Variants in PCDH1 observed in about 807,000 individuals in gnomAD.
PCDH1 encodes the protein protocadherin-1.
In PCDH1, 23 loss-of-function variants were observed where a neutral mutation model predicts 74.6. The ratio of observed to expected loss-of-function variants is 0.31; its 90% CI spans 0.22 to 0.44. The LOEUF (loss-of-function observed/expected upper bound fraction) is 0.44, where lower values mean the gene tolerates loss of function less well. Among genes scored for constraint, PCDH1 ranks in the 20% least tolerant of loss-of-function variants. The probability of loss-of-function intolerance (pLI) is 1.00; values close to 1 mark genes in which losing one functional copy is unlikely to be tolerated. For synonymous variants in PCDH1, 647 were observed against 686.1 expected (o/e 0.94, Z 0.89); for missense variants, 1,214 against 1,641.4 (o/e 0.74, Z 4.50).
At chr5:141,870,986 C>T (rs1596561596) in intron 1 of PCDH1, among the ~76,000 whole-genome samples, 1 of 152,306 alleles carries the variant, frequency 6.6e-6, no homozygotes, top group East Asian at 1.9e-4. Flanking sequence ...CTCTCCTGCC[C>T]ACGGTGACCT....
At chr5:141,867,690 C>T (rs1430268482) in intron 2 of PCDH1, 6 of 427,624 alleles carry the variant, frequency 1.4e-5, no homozygotes, top group African/African-American at 4.2e-5. Context: ...AAGGGTTTTC[C>T]AGGATGGGTA....
chr5:141,862,292 C>T (rs1752596810), intron 3 of PCDH1, among the ~76,000 whole-genome samples: 1 of 152,178 alleles, frequency 6.6e-6, no homozygotes, highest in African/African-American at 2.4e-5. Flanking sequence ...TCAGAGGCAA[C>T]TGTTTGAGCA....
In PCDH1 at chr5:141,854,033, G is replaced by C. The variant is rs1752220450; in HGVS notation, c.*9C>G. 5 of 1,492,298 alleles carry C rather than the reference G, an allele frequency of 3.4e-6. No homozygotes were observed. Among genetic ancestry groups the C allele is most frequent in the South Asian group, 1.4e-5 (1 of 71,092 alleles). The allele number at this position is 1,492,298 out of a possible 1,614,324, so 92.4% of individuals were successfully genotyped here. ...CTGGGGGAGGGGGGCCGGCCGGCCA[G>C]TAGGGGGCTCACAGGTAGATCTCGC... is the stretch of plus-strand genomic sequence containing the variant. On this transcript the variant is annotated 3_prime_UTR_variant, in exon 5 of 5. Transcript: ENST00000287008.
At chr5:141,857,197 A>G (rs1752383278) in intron 4 of PCDH1, 55 bp downstream of exon 4, 1 of 1,412,022 alleles carries the variant, frequency 7.1e-7, no homozygotes. Context: ...CCTTGTCACC[A>G]TTCCCAGGCT....
At chr5:141,875,591 GA>G (rs1753204206) in intron 1 of PCDH1, among the ~76,000 whole-genome samples, 2 of 151,564 alleles carry the variant, frequency 1.3e-5, no homozygotes, top group Admixed American at 1.3e-4. Flanking sequence ...CTCCCCTGCA[GA>G]AGTAGCCACA....
intron 3 of PCDH1, chr5:141,862,654 C>T: frequency 1.0e-6 from 1 of 986,338 alleles, no homozygotes; most frequent in Non-Finnish European, 1.2e-6. Flanking sequence ...ACCAAAACTC[C>T]AAAAATAGAG....
intron 4 of PCDH1, among the ~76,000 whole-genome samples, chr5:141,856,629 G>A (rs1752350509): frequency 6.6e-6 from 1 of 151,976 alleles, no homozygotes. Flanking sequence ...CTCTGCGCTG[G>A]CTCACACCTC....
At chr5:141,876,193 C>A (rs967980495) in intron 1 of PCDH1, among the ~76,000 whole-genome samples, 1 of 152,350 alleles carries the variant, frequency 6.6e-6, no homozygotes, top group South Asian at 2.1e-4. Flanking sequence ...GCCCCACCCC[C>A]ACCCCGGCAG....
At chr5:141,856,378 TTAGACAAG>T in intron 4 of PCDH1, 3 of 791,552 alleles carry the variant, frequency 3.8e-6, no homozygotes, top group Non-Finnish European at 6.3e-6. Flanking sequence ...GCCCGGGAGG[TTAGACAAG>T]GGCCCTGTGC....
intron 1 of PCDH1, among the ~76,000 whole-genome samples, chr5:141,875,968 G>A (rs991725333): frequency 6.6e-6 from 1 of 152,088 alleles, no homozygotes; most frequent in African/African-American, 2.4e-5. Flanking sequence ...GGCAGCTCCC[G>A]AGGGTTGACC....
At position 141,868,753 on chromosome 5, in the gene PCDH1, C is replaced by A; in HGVS notation, c.719G>T (p.Arg240Leu). The change falls in exon 2 of 5, where the codon CGT becomes CTT. Residue 240 changes from arginine (R) to leucine (L), a missense_variant. Physicochemically the swap from Arg to Leu is moderately radical, Grantham distance 102. Around this residue, in one of 4 missense-constraint regions of PCDH1, gnomAD observed 836 missense variants for 1,182.2 expected, o/e 0.71. Coordinates refer to ENST00000287008, the MANE Select transcript of PCDH1 (RefSeq NM_032420.5). The surrounding 1 kb of genome is among the most constrained non-coding windows in gnomAD (Gnocchi z 4.8). ...PQLIVMGNLD[R>L]ERWDSYDLTI... is the part of the protein sequence containing the mutation. ...GAGGTCATAGGAGTCCCAGCGCTCA[C>A]GGTCCAGGTTGCCCATCACAATGAG... 6.2e-7 allele frequency: 1 copy of A among 1,614,192 alleles called. No homozygotes were observed. Among genetic ancestry groups the A allele is most frequent in the Non-Finnish European group, 8.5e-7 (1 of 1,180,030 alleles).
intron 2 of PCDH1, among the ~76,000 whole-genome samples, chr5:141,866,520 A>G (rs950673708): frequency 2.6e-5 from 4 of 152,210 alleles, no homozygotes; most frequent in African/African-American, 9.6e-5. Flanking sequence ...AGCCAGACAG[A>G]ATGTGACTGC....
intron 4 of PCDH1, among the ~76,000 whole-genome samples, chr5:141,856,499 C>T (rs1297428409): frequency 6.6e-6 from 1 of 152,106 alleles, no homozygotes; most frequent in Non-Finnish European, 1.5e-5. Flanking sequence ...GAGAGTCTTT[C>T]CATCTCAGGG....
chr5:141,854,533 A>T, intron 4 of PCDH1, 97 bp from the exon 5 acceptor site: 1 of 1,297,026 alleles, frequency 7.7e-7, no homozygotes, highest in Non-Finnish European at 1.0e-6. Flanking sequence ...CCACCTCAGG[A>T]CAGGAGTATG....
rs1312287067 is a variant in PCDH1 at position 141,864,506 on chromosome 5, C to T, written c.1825G>A (p.Asp609Asn). The T allele has an allele frequency of 5.0e-6, 8 of 1,614,036 alleles. No homozygotes were observed. Among genetic ancestry groups the T allele is most frequent in the Non-Finnish European group, 5.9e-6 (7 of 1,180,038 alleles). The change falls in exon 3 of 5, where the codon GAC becomes AAC. Residue 609 changes from aspartate to asparagine, a missense_variant. Around this residue, in one of 4 missense-constraint regions of PCDH1, gnomAD observed 836 missense variants for 1,182.2 expected, o/e 0.71. Coordinates refer to ENST00000287008, the MANE Select transcript of PCDH1 (RefSeq NM_032420.5). This position sits in a 1 kb window ranked among gnomAD's most constrained non-coding sequence, Gnocchi z 5.9. ...LVNVLDCNDN[D>N]PKFMLSGYNF... is the part of the protein sequence containing the mutation. ...TAGCCACTCAGCATAAATTTGGGGT[C>T]ATTGTCATTGCAGTCCAGCACATTG...
intron 1 of PCDH1, among the ~76,000 whole-genome samples, chr5:141,877,599 C>T (rs1333379028): frequency 1.3e-5 from 2 of 152,120 alleles, no homozygotes; most frequent in African/African-American, 4.8e-5. Flanking sequence ...TGTAAAGCCA[C>T]GGGTTGTGTG....
In PCDH1 at chr5:141,868,737, G is replaced by C. The variant is rs1305049666; in HGVS notation, c.735C>G (p.Ser245=). ...MGNLDRERWD[S]YDLTIKVQDG... The stretch of plus-strand genomic sequence containing the variant: ...CCTGCACCTTGATGGTGAGGTCATA[G>C]GAGTCCCAGCGCTCACGGTCCAGGT... Residue 245 remains serine, a synonymous_variant, in exon 2 of 5, where the codon TCC becomes TCG. Coordinates refer to ENST00000287008, the MANE Select transcript of PCDH1 (RefSeq NM_032420.5). This position sits in a 1 kb window ranked among gnomAD's most constrained non-coding sequence, Gnocchi z 4.8. 8 of 1,614,166 alleles carry C rather than the reference G, an allele frequency of 5.0e-6. No individual in the cohort carries two copies. Among genetic ancestry groups the C allele is most frequent in the African/African-American group, 1.3e-5 (1 of 75,040 alleles).
At chr5:141,867,923 G>A (rs1011894505) in intron 2 of PCDH1, among the ~76,000 whole-genome samples, 5 of 152,198 alleles carry the variant, frequency 3.3e-5, no homozygotes, top group African/African-American at 1.2e-4. Context: ...CATGGAGAGG[G>A]GTGCTGAGAA....
rs1752985306 is a variant in PCDH1, at chr5:141,868,938, A to G, written c.534T>C (p.Pro178=). The change falls in exon 2 of 5, where the codon CCT becomes CCC. Residue 178 remains proline, a synonymous_variant. Transcript: ENST00000287008. This position sits in a 1 kb window ranked among gnomAD's most constrained non-coding sequence, Gnocchi z 4.8. ...FASPVITLAI[P]ENTNIGSLFP... is the part of the protein sequence containing the mutation. Reference sequence around the variant, plus strand: ...AGAGTGAGCCGATGTTGGTGTTCTCAGGGATGGCCAGAGTGATGACTGGTG... The same window carrying G: ...AGAGTGAGCCGATGTTGGTGTTCTCGGGGATGGCCAGAGTGATGACTGGTG... The G allele has an allele frequency of 2.5e-6, 4 of 1,614,206 alleles. No individual in the cohort carries two copies. Among genetic ancestry groups the G allele is most frequent in the South Asian group, 1.1e-5 (1 of 91,090 alleles).
Sources: gnomAD v4.1 joint callset for allele counts (sites outside exome capture counted in the v4.1 genomes callset) on GRCh38, gnomAD v4.1.1 for gene constraint, gnomAD v4.1.1 regional missense constraint, Gnocchi (gnomAD v3.1) non-coding constraint, MANE v1.5 for transcripts, NCBI Gene and HGNC (gene_info 2026-07-23, HGNC 2026-07-21) for gene names.